The following KCNMB4 variants were observed in gnomAD, a reference collection of about 807,000 sequenced individuals.
KCNMB4 encodes calcium-activated potassium channel subunit beta-4.
In KCNMB4, 3 loss-of-function variants were observed where a neutral mutation model predicts 20.7. The ratio of observed to expected loss-of-function variants is 0.14; its 90% CI spans 0.07 to 0.37. The LOEUF is 0.37. KCNMB4 is among the 10% of genes least tolerant of loss of function. The pLI is 1.00. For synonymous variants in KCNMB4, 110 were observed against 113.4 expected, an observed-to-expected ratio of 0.97 and a Z score of 0.19; for missense variants, 168 against 265.9, an observed-to-expected ratio of 0.63 and a Z score of 2.56.
chr12:70,371,098 C>A (rs771510599), intron 1 of KCNMB4, among the ~76,000 whole-genome samples: 5 of 151,882 alleles, frequency 3.3e-5, no homozygotes, highest in African/African-American at 4.8e-5. Context: ...CTCAAGTGAT[C>A]CCCCTGCCTC....
chr12:70,396,908 AT>A (rs1336004546), intron 1 of KCNMB4, among the ~76,000 whole-genome samples: 1 of 152,178 alleles, frequency 6.6e-6, no homozygotes, highest in Non-Finnish European at 1.5e-5. Flanking sequence ...TTCATTTCTA[AT>A]TTATGTAAAA....
chr12:70,423,237 G>A (rs549859674), intron 2 of KCNMB4, among the ~76,000 whole-genome samples: 90 of 152,288 alleles, frequency 5.9e-4, no homozygotes, highest in Middle Eastern at 3.4e-3. Context: ...AAAACTGCAA[G>A]TTTGGGGCTT....
intron 2 of KCNMB4, among the ~76,000 whole-genome samples, chr12:70,427,621 G>A (rs1029280286): frequency 6.6e-5 from 10 of 152,170 alleles, no homozygotes; most frequent in African/African-American, 2.2e-4. Flanking sequence ...TACTCCAAGC[G>A]CTCTGGTAGG....
chr12:70,400,361 G>A (rs1868418471), intron 2 of KCNMB4, 25 bp downstream of exon 2: 4 of 1,592,490 alleles, frequency 2.5e-6, no homozygotes, highest in Non-Finnish European at 2.6e-6. Flanking sequence ...GCATGTGCGT[G>A]TTAAAATTGT....
In KCNMB4 at chr12:70,430,803, C is replaced by A; in HGVS notation, c.*150C>A. ...ATCCCTCAGTGGCAACAGAAACAGG[C>A]ACAACTGGAAGACTTGGAACCTCAA... On this transcript the variant is annotated 3_prime_UTR_variant, in exon 3 of 3. Transcript: ENST00000258111. The A allele has an allele frequency of 1.5e-6, 1 of 665,428 alleles. No homozygotes were observed. Among genetic ancestry groups the A allele is most frequent in the Non-Finnish European group, 2.3e-6 (1 of 430,294 alleles). The allele number at this position is 665,428 out of a possible 1,614,324, so 41.2% of individuals were successfully genotyped here. A position where few individuals can be genotyped will look rare whatever the true frequency, so the allele number is the denominator to read the frequency against.
intron 2 of KCNMB4, among the ~76,000 whole-genome samples, chr12:70,427,091 T>C (rs1038318880): frequency 6.6e-6 from 1 of 152,234 alleles, no homozygotes; most frequent in Non-Finnish European, 1.5e-5. Context: ...GCTCCCGTCA[T>C]GCCATTTATC....
Position 70,413,000 on chromosome 12 carries a change from C to T in KCNMB4, c.464+12664C>T, listed in dbSNP as rs17108123. ...CAAAACAGTAAATCTGGAATCTTAC[C>T]GAAACCAAGTATTTTCCATATACAT... is the stretch of plus-strand genomic sequence containing the variant. On this transcript the variant is annotated intron_variant, in intron 2 of 2. Transcript: ENST00000258111. Among the ~76,000 whole-genome samples the T allele has an allele frequency of 3.8e-3, 585 of 152,190 alleles. 15 individuals carry two copies. In the East Asian group the frequency reaches 0.065, roughly 17 times the overall value.
intron 2 of KCNMB4, 138 bp from the exon 3 acceptor site, chr12:70,430,347 T>C: frequency 2.3e-6 from 2 of 853,406 alleles, no homozygotes; most frequent in Non-Finnish European, 3.6e-6. Context: ...AGCACAAAAA[T>C]ACAGTGTTTA....
At chr12:70,404,798 G>A (rs1868549945) in intron 2 of KCNMB4, among the ~76,000 whole-genome samples, 1 of 152,226 alleles carries the variant, frequency 6.6e-6, no homozygotes, top group Admixed American at 6.5e-5. Context: ...TCCAGAAGAT[G>A]CTTTGAAAGA....
Position 70,387,266 on chromosome 12 carries a change from A to AT in KCNMB4, c.337-12939dup, listed in dbSNP as rs1453461358. Among the ~76,000 whole-genome samples the AT allele has an allele frequency of 2.8e-4, 42 of 151,418 alleles. 2 individuals carry two copies. The East Asian group carries it at 2.9e-3, about 11-fold the overall frequency. ...TTGTCTGCACGGGATATTGGCTGTGATTTTCATTTTTAGCAGTTTAATTTT... is the reference window on the plus strand; with the variant it reads ...TTGTCTGCACGGGATATTGGCTGTGATTTTTCATTTTTAGCAGTTTAATTTT... On this transcript the variant is annotated intron_variant, in intron 1 of 2. Transcript: ENST00000258111.
intron 2 of KCNMB4, among the ~76,000 whole-genome samples, chr12:70,401,568 C>A (rs927879182): frequency 6.6e-6 from 1 of 152,030 alleles, no homozygotes; most frequent in Non-Finnish European, 1.5e-5. Context: ...CTTGGCATGG[C>A]CTATGTCAGA....
At chr12:70,378,309 T>C (rs1883723815) in intron 1 of KCNMB4, among the ~76,000 whole-genome samples, 1 of 152,174 alleles carries the variant, frequency 6.6e-6, no homozygotes. Context: ...CATCTGTAGT[T>C]ACTTTCTCCA....
chr12:70,431,260 TAAGC>T lies in KCNMB4; in HGVS notation c.*611_*614del, dbSNP rs1042182621. On this transcript the variant is annotated 3_prime_UTR_variant, in exon 3 of 3. Coordinates refer to ENST00000258111, the MANE Select transcript of KCNMB4 (RefSeq NM_014505.6). ...AGTCTCCAGTCACCTCTGTGTCTCT[TAAGC>T]AAGAGATTCTAAAAGATTGGGAAAA... 9 of 152,160 alleles carry T rather than the reference TAAGC, an allele frequency of 5.9e-5. No individual in the cohort carries two copies. Among genetic ancestry groups the T allele is most frequent in the African/African-American group, 1.9e-4 (8 of 41,418 alleles). 9.4% of individuals were successfully genotyped at this position (152,160 alleles called of 1,614,324 possible).
At chr12:70,385,788 TAATG>T (rs1428694391) in intron 1 of KCNMB4, among the ~76,000 whole-genome samples, 2 of 152,200 alleles carry the variant, frequency 1.3e-5, no homozygotes, top group Non-Finnish European at 2.9e-5. Context: ...TAGGATGAGA[TAATG>T]ATTCTTAGGA....
chr12:70,366,676 T>C lies in KCNMB4; in HGVS notation c.-59T>C. On this transcript the variant is annotated 5_prime_UTR_variant, in exon 1 of 3. Transcript: ENST00000258111. ...CTCCTCCCGCCCGAGGCAGTCGGGC[T>C]CGGCGCCGGGGGCGGGAGGGGGCGG... The C allele has an allele frequency of 8.0e-7, 1 of 1,242,970 alleles. No individual in the cohort carries two copies. Among genetic ancestry groups the C allele is most frequent in the Non-Finnish European group, 1.0e-6 (1 of 978,946 alleles). The allele number at this position is 1,242,970 out of a possible 1,614,324, so 77.0% of individuals were successfully genotyped here. A position where few individuals can be genotyped will look rare whatever the true frequency, so the allele number is the denominator to read the frequency against.
chr12:70,417,039 C>T lies in KCNMB4; in HGVS notation c.465-13446C>T, dbSNP rs1333063729. On this transcript the variant is annotated intron_variant, in intron 2 of 2. Coordinates refer to ENST00000258111, the MANE Select transcript of KCNMB4 (RefSeq NM_014505.6). Reference sequence around the variant, plus strand: ...CCAGGATATATTTTTCAAATCCTTTCTCCAGAGCTGCCAAAATAATGGTAC... The same window carrying T: ...CCAGGATATATTTTTCAAATCCTTTTTCCAGAGCTGCCAAAATAATGGTAC... 4.6e-5 allele frequency among the ~76,000 whole-genome samples: 7 copies of T among 152,162 alleles called. No individual in the cohort carries two copies. In the East Asian group the frequency reaches 5.8e-4, roughly 13 times the overall value.
chr12:70,402,639 A>C (rs1868484371), intron 2 of KCNMB4, among the ~76,000 whole-genome samples: 1 of 142,034 alleles, frequency 7.0e-6, no homozygotes, highest in Admixed American at 7.1e-5. Context: ...TGGGTGACAA[A>C]ATGAGACCCT....
chr12:70,395,971 C>G (rs559622754), intron 1 of KCNMB4, among the ~76,000 whole-genome samples: 7 of 152,252 alleles, frequency 4.6e-5, no homozygotes, highest in Admixed American at 3.3e-4. Flanking sequence ...TCCATGGCAC[C>G]GGAAACCAAC....
intron 1 of KCNMB4, among the ~76,000 whole-genome samples, chr12:70,367,892 AC>A (rs1045440850): frequency 6.6e-6 from 1 of 151,950 alleles, no homozygotes; most frequent in Non-Finnish European, 1.5e-5. Context: ...AAAAGATAAA[AC>A]CTGGTTAGGA....
Sources: allele counts gnomAD v4.1 joint callset (sites outside exome capture counted in the v4.1 genomes callset), GRCh38; gene constraint gnomAD v4.1.1; transcripts MANE v1.5; gene names NCBI Gene and HGNC (gene_info 2026-07-23, HGNC 2026-07-21).